Variants in KCNH6 observed in about 807,000 individuals in gnomAD.
KCNH6 encodes the protein voltage-gated inwardly rectifying potassium channel KCNH6.
Under a neutral mutation model 83.4 loss-of-function variants are expected in KCNH6, and 81 were observed. The observed-to-expected ratio is 0.97, with a 90% CI of 0.81 to 1.17. The LOEUF (loss-of-function observed/expected upper bound fraction) is 1.17. KCNH6 is among the 50% of genes most tolerant of loss of function. The probability of loss-of-function intolerance (pLI) is 0.00; values close to 1 mark genes in which losing one functional copy is unlikely to be tolerated. For missense variants in KCNH6, 1,203 were observed against 1,290.5 expected (o/e 0.93, Z 1.04); for synonymous variants, 503 against 545.6 (o/e 0.92, Z 1.09).
rs1266857771 is a variant in KCNH6 at position 63,533,395 on chromosome 17, G to C, written c.676-491G>C. On this transcript the variant is annotated intron_variant, in intron 4 of 12. Coordinates refer to ENST00000314672, the MANE Select transcript of KCNH6 (RefSeq NM_001278919.2). This position sits in a 1 kb window ranked among gnomAD's most constrained non-coding sequence, Gnocchi z 4.1. ...TCAGAGAGGGCACTCACTGGTCCTGGATCCCCAGGGCCCTCAGAAAGGAAG... is the reference window on the plus strand; with the variant it reads ...TCAGAGAGGGCACTCACTGGTCCTGCATCCCCAGGGCCCTCAGAAAGGAAG... Among the ~76,000 whole-genome samples the C allele has an allele frequency of 6.6e-6, 1 of 152,046 alleles. No individual in the cohort carries two copies. Among genetic ancestry groups the C allele is most frequent in the Admixed American group, 6.5e-5 (1 of 15,274 alleles).
Position 63,533,637 on chromosome 17 carries a change from T to C in KCNH6, c.676-249T>C, listed in dbSNP as rs1219997694. Among the ~76,000 whole-genome samples the C allele has an allele frequency of 6.6e-6, 1 of 152,082 alleles. No individual in the cohort carries two copies. The highest frequency in any genetic ancestry group is 6.5e-5 in the Admixed American group (1 of 15,276). ...GTGAGCATCAAACCTGGTGTCGCTA[T>C]GGGGCGGAGCCATACCCCTCCTCTT... is the stretch of plus-strand genomic sequence containing the variant. On this transcript the variant is annotated intron_variant, in intron 4 of 12. Coordinates refer to ENST00000314672, the MANE Select transcript of KCNH6 (RefSeq NM_001278919.2). The surrounding 1 kb of genome is among the most constrained non-coding windows in gnomAD (Gnocchi z 4.1).
Position 63,533,467 on chromosome 17 carries a change from G to A in KCNH6, c.676-419G>A, listed in dbSNP as rs1390198274. ...GTTCCCATCAGGAACCCTGACCATAGGGAGCCTCCTAAGCTCACCAGAGAG... is the reference window on the plus strand; with the variant it reads ...GTTCCCATCAGGAACCCTGACCATAAGGAGCCTCCTAAGCTCACCAGAGAG... On this transcript the variant is annotated intron_variant, in intron 4 of 12. Transcript: ENST00000314672. The surrounding 1 kb of genome is among the most constrained non-coding windows in gnomAD (Gnocchi z 4.1). Among the ~76,000 whole-genome samples the A allele has an allele frequency of 1.3e-5, 2 of 151,984 alleles. No individual in the cohort carries two copies. The highest frequency in any genetic ancestry group is 3.9e-4 in the East Asian group (2 of 5,158).
At chr17:63,543,912 T>C in intron 10 of KCNH6, 1 of 691,102 alleles carries the variant, frequency 1.4e-6, no homozygotes, top group Non-Finnish European at 2.5e-6. Flanking sequence ...GTATGGAGAC[T>C]AGCCAGCCCC....
At position 63,534,168 on chromosome 17, in the gene KCNH6, C is replaced by T. The variant is rs1448074366; in HGVS notation, c.958C>T (p.Arg320Cys). 1.6e-5 allele frequency: 25 copies of T among 1,610,120 alleles called. No homozygotes were observed. The highest frequency in any genetic ancestry group is 1.6e-4 in the Middle Eastern group (1 of 6,070). ...MFVVDIVINF[R>C]TTYVNTNDEV... ...CGTCGTGGACATCGTCATCAACTTC[C>T]GCACCACCTATGTCAACACCAATGA... Residue 320 changes from arginine (R) to cysteine (C), a missense_variant, in exon 5 of 13, where the codon CGC (arginine) becomes TGC (cysteine). By Grantham distance (180) the Arg-to-Cys change is radical. Transcript: ENST00000314672. This position sits in a 1 kb window ranked among gnomAD's most constrained non-coding sequence, Gnocchi z 5.0.
In KCNH6 at chr17:63,524,179, C is replaced by T. The variant is rs140752880; in HGVS notation, c.117C>T (p.Cys39=). 132 of 1,614,160 alleles carry T rather than the reference C, an allele frequency of 8.2e-5. No individual in the cohort carries two copies. The highest frequency in any genetic ancestry group is 2.7e-4 in the Admixed American group (16 of 60,028). Residue 39 remains cysteine (C), a synonymous_variant, in exon 2 of 13, where the codon TGC becomes TGT. Coordinates refer to ENST00000314672, the MANE Select transcript of KCNH6 (RefSeq NM_001278919.2). ...FLIANAQMEN[C]AIIYCNDGFC... ...TTGCCAATGCTCAGATGGAGAACTG[C>T]GCCATCATTTACTGCAACGACGGCT...
rs1355373440 is a variant in KCNH6, at chr17:63,524,372, G to A, written c.307+3G>A. ...CATCCTCTACTACCGCAAGGATGGT[G>A]AGGCATACTCAGGCCAGAGGCTTTG... On this transcript the variant is annotated splice_donor_region_variant and intron_variant, in intron 2 of 12. Transcript: ENST00000314672. 3.1e-6 allele frequency: 5 copies of A among 1,611,812 alleles called. No homozygotes were observed. The African/African-American group carries it at 5.3e-5, about 17-fold the overall frequency.
rs752976002 is a variant in KCNH6, at chr17:63,538,057, G to C, written c.1502-8G>C. 39 of 1,611,526 alleles carry C rather than the reference G, an allele frequency of 2.4e-5. No homozygotes were observed. The highest frequency in any genetic ancestry group is 3.1e-5 in the Non-Finnish European group (37 of 1,179,544). ...CGCGGAGGAGCTCACTCTCCGCCCC[G>C]CCCCCAGCCCTGATGTACGCCAGCA... On this transcript the variant is annotated splice_region_variant and splice_polypyrimidine_tract_variant and intron_variant, in intron 6 of 12. Transcript: ENST00000314672. This position sits in a 1 kb window ranked among gnomAD's most constrained non-coding sequence, Gnocchi z 4.0.
At position 63,546,713 on chromosome 17, in the gene KCNH6, A is replaced by T. The variant is rs1416199131; in HGVS notation, c.*811A>T. 6.6e-6 allele frequency: 1 copy of T among 152,230 alleles called. No homozygotes were observed. Among genetic ancestry groups the T allele is most frequent in the Non-Finnish European group, 1.5e-5 (1 of 68,052 alleles). The allele number at this position is 152,230 out of a possible 1,614,324, so 9.4% of individuals were successfully genotyped here. On this transcript the variant is annotated 3_prime_UTR_variant, in exon 13 of 13. Transcript: ENST00000314672. ...GAGTGTCACACAGCTAATAAAGTAC[A>T]CATTTCATGTTGGACTGGGTGTGTA...
At position 63,533,761 on chromosome 17, in the gene KCNH6, T is replaced by A; in HGVS notation, c.676-125T>A. On this transcript the variant is annotated intron_variant, in intron 4 of 12. Transcript: ENST00000314672. This position sits in a 1 kb window ranked among gnomAD's most constrained non-coding sequence, Gnocchi z 4.1. The stretch of plus-strand genomic sequence containing the variant: ...CCCACCCCATCTCTCCCTCATCCCC[T>A]CTGCCCACCAGAGCCGTGGTCACCC... The A allele has an allele frequency of 3.7e-5, 26 of 710,258 alleles. No homozygotes were observed. Among genetic ancestry groups the A allele is most frequent in the Middle Eastern group, 2.6e-4 (1 of 3,842 alleles). The allele number at this position is 710,258 out of a possible 1,614,324, so 44.0% of individuals were successfully genotyped here. A position where few individuals can be genotyped will look rare whatever the true frequency, so the allele number is the denominator to read the frequency against.
Position 63,543,577 on chromosome 17 carries a change from C to T in KCNH6, c.2150C>T (p.Ala717Val). 1 of 1,608,904 alleles carries T rather than the reference C, an allele frequency of 6.2e-7. No homozygotes were observed. Among genetic ancestry groups the T allele is most frequent in the Non-Finnish European group, 8.5e-7 (1 of 1,175,616 alleles). The change falls in exon 10 of 13, where the codon GCA becomes GTA. Residue 717 changes from alanine to valine, a missense_variant and splice_region_variant. Transcript: ENST00000314672. ...TTTCACCCTCTTGCTTCCCATAAGGCAGCCGGGGGTCTCCACTCATCCCCC... is the reference window on the plus strand; with the variant it reads ...TTTCACCCTCTTGCTTCCCATAAGGTAGCCGGGGGTCTCCACTCATCCCCC... ...KLEVTFNLRD[A>V]AGGLHSSPRQ...
In KCNH6 at chr17:63,535,932, G is replaced by C. The variant is rs138263487; in HGVS notation, c.1365G>C (p.Ser455=). Residue 455 remains serine, a synonymous_variant, in exon 6 of 13, where the codon TCG becomes TCC. Coordinates refer to ENST00000314672, the MANE Select transcript of KCNH6 (RefSeq NM_001278919.2). This position sits in a 1 kb window ranked among gnomAD's most constrained non-coding sequence, Gnocchi z 4.9. ...GCTACAACGGCAGCGACCCAGCCTC[G>C]GGCCCCTCGGTGCAGGACAAGTATG... The part of the protein sequence containing the change: ...GKRYNGSDPA[S]GPSVQDKYVT... 6.2e-7 allele frequency: 1 copy of C among 1,613,980 alleles called. No individual in the cohort carries two copies. Among genetic ancestry groups the C allele is most frequent in the South Asian group, 1.1e-5 (1 of 91,084 alleles).
rs2032477401 is a variant in KCNH6 at position 63,536,046 on chromosome 17, C to T, written c.1479C>T (p.Ser493=). The stretch of plus-strand genomic sequence containing the variant: ...ACACCAACTCCGAGAAGGTCTTCTC[C>T]ATCTGCGTCATGCTCATCGGCTGTG... ...SPNTNSEKVF[S]ICVMLIGSLM... Residue 493 remains serine, a synonymous_variant, in exon 6 of 13, where the codon TCC becomes TCT. Transcript: ENST00000314672. 1 of 1,613,478 alleles carries T rather than the reference C, an allele frequency of 6.2e-7. No individual in the cohort carries two copies. Among genetic ancestry groups the T allele is most frequent in the African/African-American group, 1.3e-5 (1 of 75,062 alleles).
rs202052847 is a variant in KCNH6 at position 63,545,010 on chromosome 17, GA to G, written c.2397-67del. The G allele has an allele frequency of 1.7e-3, 2,573 of 1,500,800 alleles. 47 individuals are homozygous for G. In the East Asian group the frequency reaches 0.041, roughly 24 times the overall value. 93.0% of individuals were successfully genotyped at this position (1,500,800 alleles called of 1,614,324 possible). A position where few individuals can be genotyped will look rare whatever the true frequency, so the allele number is the denominator to read the frequency against. ...AGCAGGAACAGCACGCAGGCTACAA[GA>G]TTGACAGCTGCCCTCAGGAACTACT... is the stretch of plus-strand genomic sequence containing the variant. On this transcript the variant is annotated intron_variant, in intron 11 of 12. Coordinates refer to ENST00000314672, the MANE Select transcript of KCNH6 (RefSeq NM_001278919.2).
In KCNH6 at chr17:63,538,514, C is replaced by T. The variant is rs1449345658; in HGVS notation, c.1806C>T (p.Cys602=). 2 of 1,604,804 alleles carry T rather than the reference C, an allele frequency of 1.2e-6. No individual in the cohort carries two copies. Among genetic ancestry groups the T allele is most frequent in the Admixed American group, 1.7e-5 (1 of 58,656 alleles). The stretch of plus-strand genomic sequence containing the variant: ...CTTTCAGCGGCGCCGGCAAGGGCTG[C>T]CTGCGCGCGCTAGCCGTCAAGTTCA... ...CPAFSGAGKG[C]LRALAVKFKT... The change falls in exon 8 of 13, where the codon TGC becomes TGT. Residue 602 remains cysteine, a synonymous_variant. Transcript: ENST00000314672. The surrounding 1 kb of genome is among the most constrained non-coding windows in gnomAD (Gnocchi z 4.0).
chr17:63,539,064 C>T (rs2032712678), intron 8 of KCNH6, among the ~76,000 whole-genome samples: 1 of 152,156 alleles, frequency 6.6e-6, no homozygotes. Context: ...TCAGTGCAGA[C>T]ACAGGGATAG....
chr17:63,528,108 C>T (rs2031836940), intron 2 of KCNH6, among the ~76,000 whole-genome samples: 2 of 152,216 alleles, frequency 1.3e-5, no homozygotes, highest in Admixed American at 1.3e-4. Context: ...CCTCTCCCTG[C>T]CCCCTGCCAG....
At chr17:63,547,250 G>A (rs1014097102), downstream of KCNH6, among the ~76,000 whole-genome samples, 5 of 152,122 alleles carry the variant, frequency 3.3e-5, no homozygotes, top group African/African-American at 1.2e-4. Context: ...TAAAAAAAGA[G>A]GCCAGGTGTA....
At chr17:63,543,723 C>A in intron 10 of KCNH6, 63 bp downstream of exon 10, 1 of 979,464 alleles carries the variant, frequency 1.0e-6, no homozygotes, top group Non-Finnish European at 1.7e-6. Context: ...CTACCCCTCC[C>A]ATGTCCTCTC....
At position 63,533,911 on chromosome 17, in the gene KCNH6, T is replaced by C. The variant is rs1568073296; in HGVS notation, c.701T>C (p.Leu234Pro). 2 of 1,613,738 alleles carry C rather than the reference T, an allele frequency of 1.2e-6. No homozygotes were observed. The highest frequency in any genetic ancestry group is 1.7e-4 in the Middle Eastern group (1 of 6,056). The change falls in exon 5 of 13, where the codon CTG becomes CCG. Residue 234 changes from leucine (L) to proline (P), a missense_variant. Physicochemically the swap from Leu to Pro is moderately conservative, Grantham distance 98. Coordinates refer to ENST00000314672, the MANE Select transcript of KCNH6 (RefSeq NM_001278919.2). This position sits in a 1 kb window ranked among gnomAD's most constrained non-coding sequence, Gnocchi z 4.1. ...GTCCTGTCCCTGGGCGCGGATGTGC[T>C]GCCGGAGTACAAGCTGCAGGCGCCG... ...TQVLSLGADV[L>P]PEYKLQAPRI...
Sources: allele counts gnomAD v4.1 joint callset (sites outside exome capture counted in the v4.1 genomes callset), GRCh38; gene constraint gnomAD v4.1.1; non-coding constraint Gnocchi (gnomAD v3.1); transcripts MANE v1.5; gene names NCBI Gene and HGNC (gene_info 2026-07-23, HGNC 2026-07-21).